The following KALRN variants were observed in gnomAD, a reference collection of about 807,000 sequenced individuals.
KALRN encodes kalirin.
KALRN carries 70 observed loss-of-function variants against 353.7 expected under a neutral mutation model. That is an observed-to-expected ratio of 0.20 (90% CI 0.16 to 0.24). The LOEUF is 0.24. KALRN is among the 10% of genes least tolerant of loss of function. The pLI, the probability that KALRN is intolerant of heterozygous loss-of-function variation, is 1.00. For synonymous variants in KALRN, 1,391 were observed against 1,434.8 expected (o/e 0.97, Z 0.69); for missense variants, 2,791 against 3,756.7 (o/e 0.74, Z 6.72).
intron 6 of KALRN, among the ~76,000 whole-genome samples, chr3:124,303,548 T>C (rs2077432240): frequency 1.3e-5 from 2 of 152,272 alleles, no homozygotes; most frequent in Non-Finnish European, 2.9e-5. Context: ...TAACCATCTA[T>C]GTTCTGGTTC....
intron 1 of KALRN, among the ~76,000 whole-genome samples, chr3:124,073,225 T>G (rs1308543999): frequency 1.3e-5 from 2 of 152,246 alleles, no homozygotes; most frequent in South Asian, 4.1e-4. Context: ...GCTCTCAAAG[T>G]ACTGATCCAG....
At chr3:124,318,507 T>G (rs1007100978) in intron 6 of KALRN, among the ~76,000 whole-genome samples, 8 of 152,214 alleles carry the variant, frequency 5.3e-5, no homozygotes, top group African/African-American at 1.9e-4. Context: ...TAATTAATCA[T>G]AAACTAATGA....
rs1334325556 is a variant in KALRN, at chr3:124,234,990, G to T, written c.263+47G>T. The T allele has an allele frequency of 3.6e-6, 5 of 1,384,366 alleles. No individual in the cohort carries two copies. The East Asian group carries it at 9.8e-5, about 27-fold the overall frequency. 85.8% of individuals were successfully genotyped at this position (1,384,366 alleles called of 1,614,324 possible). A position where few individuals can be genotyped will look rare whatever the true frequency, so the allele number is the denominator to read the frequency against. ...TGCAGGGGAGCGGGAGGGGAGCTGG[G>T]CTGATGCCAGTTTTGGAAGGAGCCT... On this transcript the variant is annotated intron_variant, in intron 3 of 59. Transcript: ENST00000682506.
At chr3:124,602,948 T>TTG (rs11396875) in intron 34 of KALRN, among the ~76,000 whole-genome samples, 1 of 39,354 alleles carries the variant, frequency 2.5e-5, no homozygotes, top group African/African-American at 1.2e-4. Context: ...TGGTTTTTTT[T>TTG]TTGTTGTTGT....
At chr3:124,178,929 C>G (rs755417870) in intron 1 of KALRN, among the ~76,000 whole-genome samples, 4 of 152,042 alleles carry the variant, frequency 2.6e-5, no homozygotes, top group African/African-American at 9.7e-5. Flanking sequence ...ACATAACGAC[C>G]CAGTCTCTAT....
intron 34 of KALRN, among the ~76,000 whole-genome samples, chr3:124,608,984 A>T (rs1010532841): frequency 6.6e-6 from 1 of 152,212 alleles, no homozygotes; most frequent in East Asian, 1.9e-4. Flanking sequence ...CATGAAAGGT[A>T]CCTTAGCAGC....
At chr3:124,118,419 A>T (rs369383506) in intron 1 of KALRN, among the ~76,000 whole-genome samples, 2 of 152,024 alleles carry the variant, frequency 1.3e-5, no homozygotes, top group African/African-American at 2.4e-5. Flanking sequence ...GGATTATGCC[A>T]TCTCTGTGGG....
chr3:124,243,216 A>G (rs552752072), intron 3 of KALRN, among the ~76,000 whole-genome samples: 155 of 152,290 alleles, frequency 1.0e-3, no homozygotes, highest in Non-Finnish European at 1.5e-3. Flanking sequence ...TGGCCATGCC[A>G]CCATTGTAGG....
intron 8 of KALRN, among the ~76,000 whole-genome samples, chr3:124,333,952 G>A (rs1374493648): frequency 6.6e-6 from 1 of 152,162 alleles, no homozygotes; most frequent in Non-Finnish European, 1.5e-5. Flanking sequence ...CACTGTTTTG[G>A]GCATTGGGGC....
chr3:124,278,608 A>G lies in KALRN; in HGVS notation c.969+9353A>G, dbSNP rs1838469. Reference sequence around the variant, plus strand: ...TCTCTACTCTTACCCTAGGCCTTGGATGGAGGAGAGTGTAGGGCAGTGCAG... The same window carrying G: ...TCTCTACTCTTACCCTAGGCCTTGGGTGGAGGAGAGTGTAGGGCAGTGCAG... On this transcript the variant is annotated intron_variant, in intron 5 of 59. Coordinates refer to ENST00000682506, the MANE Select transcript of KALRN (RefSeq NM_001388419.1). Among the ~76,000 whole-genome samples the G allele has an allele frequency of 0.043, 6,482 of 151,954 alleles. 736 individuals are homozygous for G. The East Asian group carries it at 0.47, about 11-fold the overall frequency.
Position 124,061,383 on chromosome 3 carries a change from C to T in KALRN, c.73+27570C>T, listed in dbSNP as rs75388682. The stretch of plus-strand genomic sequence containing the variant: ...TGAGGTTAAATGAGTCACTCCAAAT[C>T]CCACAACATGTCAGTGACAGAGCCA... On this transcript the variant is annotated intron_variant, in intron 1 of 59. Coordinates refer to ENST00000682506, the MANE Select transcript of KALRN (RefSeq NM_001388419.1). Among the ~76,000 whole-genome samples, 40 of 152,256 alleles carry T rather than the reference C, an allele frequency of 2.6e-4. No homozygotes were observed. The East Asian group carries it at 7.3e-3, about 28-fold the overall frequency.
intron 21 of KALRN, among the ~76,000 whole-genome samples, chr3:124,454,717 A>G (rs1328477398): frequency 6.6e-6 from 1 of 152,022 alleles, no homozygotes; most frequent in South Asian, 2.1e-4. Flanking sequence ...ACATATACAG[A>G]CTTTTTTTGT....
At chr3:124,599,115 A>G (rs2076549093) in intron 34 of KALRN, among the ~76,000 whole-genome samples, 1 of 152,100 alleles carries the variant, frequency 6.6e-6, no homozygotes, top group Non-Finnish European at 1.5e-5. Flanking sequence ...TCTTGTTACT[A>G]CCCCTCTTCT....
intron 57 of KALRN, among the ~76,000 whole-genome samples, chr3:124,704,777 T>G (rs1324117992): frequency 1.3e-5 from 2 of 152,168 alleles, no homozygotes; most frequent in Non-Finnish European, 2.9e-5. Context: ...CTCAAACTCC[T>G]GAGCTCAAGC....
chr3:124,550,095 G>A (rs973548245), intron 33 of KALRN, among the ~76,000 whole-genome samples: 1 of 152,200 alleles, frequency 6.6e-6, no homozygotes. Flanking sequence ...GGAGAGGCAG[G>A]TGATGAACAC....
At chr3:124,243,236 G>A (rs1186416024) in intron 3 of KALRN, among the ~76,000 whole-genome samples, 1 of 152,206 alleles carries the variant, frequency 6.6e-6, no homozygotes, top group Non-Finnish European at 1.5e-5. Context: ...GACTTGGCAG[G>A]TCTGTGGGGC....
At chr3:124,561,457 T>C (rs1339755906) in intron 33 of KALRN, among the ~76,000 whole-genome samples, 1 of 152,192 alleles carries the variant, frequency 6.6e-6, no homozygotes, top group Non-Finnish European at 1.5e-5. Context: ...TCAAGCCCCC[T>C]CTGATATCGA....
intron 1 of KALRN, among the ~76,000 whole-genome samples, chr3:124,074,200 C>T (rs969468425): frequency 5.3e-5 from 8 of 152,058 alleles, no homozygotes; most frequent in Admixed American, 2.6e-4. Flanking sequence ...GATGCAGTAA[C>T]AAAAATAGAA....
chr3:124,567,674 C>T (rs1251029703), intron 34 of KALRN, among the ~76,000 whole-genome samples: 1 of 152,142 alleles, frequency 6.6e-6, no homozygotes, highest in Non-Finnish European at 1.5e-5. Flanking sequence ...GCAGTGGTTT[C>T]CAACTCTGGA....
Sources: allele counts gnomAD v4.1 joint callset (sites outside exome capture counted in the v4.1 genomes callset), GRCh38; gene constraint gnomAD v4.1.1; transcripts MANE v1.5; gene names NCBI Gene and HGNC (gene_info 2026-07-23, HGNC 2026-07-21).